SCAMP1: variants seen among roughly 807,000 people sequenced by gnomAD.
SCAMP1 encodes secretory carrier membrane protein 1.
SCAMP1 carries 15 observed loss-of-function variants against 41.8 expected under a neutral mutation model. That is an observed-to-expected ratio of 0.36 (90% CI 0.24 to 0.55). SCAMP1 has a LOEUF of 0.55. Ranked by LOEUF, SCAMP1 falls within the 20% of genes least tolerant of loss-of-function variation. The pLI, the probability that SCAMP1 is intolerant of heterozygous loss-of-function variation, is 0.86. For synonymous variants in SCAMP1, 135 were observed against 136.8 expected, an observed-to-expected ratio of 0.99 and a Z score of 0.09; for missense variants, 341 against 412.6, an observed-to-expected ratio of 0.83 and a Z score of 1.50.
Position 78,428,503 on chromosome 5 carries a change from T to C in SCAMP1, c.632+6543T>C, listed in dbSNP as rs377082529. On this transcript the variant is annotated intron_variant, in intron 6 of 8. Transcript: ENST00000621999. ...CTATGTGCCTATCTTTATACCAATA[T>C]GCCTTTCTTGACTAATGTTAATGTT... 1.4e-4 allele frequency among the ~76,000 whole-genome samples: 21 copies of C among 152,304 alleles called. No homozygotes were observed. In the East Asian group the frequency reaches 3.3e-3, roughly 24 times the overall value.
chr5:78,475,719 TTACTG>T lies in SCAMP1; in HGVS notation c.*54_*58del. ...CTTTTGACTGTACCTTTTTCTCCAG[TTACTG>T]TATTCTACAAATATTTTTATGTTCA... On this transcript the variant is annotated 3_prime_UTR_variant, in exon 9 of 9. Transcript: ENST00000621999. The T allele has an allele frequency of 7.4e-7, 1 of 1,342,788 alleles. No individual in the cohort carries two copies. Among genetic ancestry groups the T allele is most frequent in the South Asian group, 1.6e-5 (1 of 61,476 alleles). The allele number at this position is 1,342,788 out of a possible 1,614,324, so 83.2% of individuals were successfully genotyped here.
intron 2 of SCAMP1, among the ~76,000 whole-genome samples, chr5:78,408,848 C>T (rs115971156): frequency 0.02 from 3,025 of 152,256 alleles, 112 homozygotes; most frequent in African/African-American, 0.068. Flanking sequence ...GATCCTTCCA[C>T]CTCAGCCTCC....
Position 78,436,680 on chromosome 5 carries a change from T to G in SCAMP1, c.633-13253T>G, listed in dbSNP as rs544625696. Among the ~76,000 whole-genome samples, 37 of 152,292 alleles carry G rather than the reference T, an allele frequency of 2.4e-4. No individual in the cohort carries two copies. In the South Asian group the frequency reaches 5.4e-3, roughly 22 times the overall value. ...GTGATGCCTCCAGCTTTGTTCTTTT[T>G]GCTTAGGATTGTCTTGGCAATGCAG... On this transcript the variant is annotated intron_variant, in intron 6 of 8. Coordinates refer to ENST00000621999, the MANE Select transcript of SCAMP1 (RefSeq NM_004866.6).
chr5:78,451,867 C>T (rs1428850662), intron 7 of SCAMP1, among the ~76,000 whole-genome samples: 2 of 152,184 alleles, frequency 1.3e-5, no homozygotes, highest in Non-Finnish European at 2.9e-5. Flanking sequence ...GTTGCCCAGG[C>T]AGGTCTTGAA....
At chr5:78,444,867 TA>T (rs1264439522) in intron 6 of SCAMP1, among the ~76,000 whole-genome samples, 5 of 152,232 alleles carry the variant, frequency 3.3e-5, no homozygotes, top group Admixed American at 2.6e-4. Flanking sequence ...TTTATTTATA[TA>T]AAAGCATGTT....
chr5:78,418,753 T>G, intron 4 of SCAMP1, 22 bp from the exon 5 acceptor site: 1 of 1,422,968 alleles, frequency 7.0e-7, no homozygotes, highest in Non-Finnish European at 9.5e-7. Context: ...TAACCTTTTC[T>G]TTTTCTAAAA....
At chr5:78,364,445 A>T (rs772052141) in intron 1 of SCAMP1, among the ~76,000 whole-genome samples, 1 of 152,156 alleles carries the variant, frequency 6.6e-6, no homozygotes, top group Non-Finnish European at 1.5e-5. Context: ...TGGGGGGGCA[A>T]ATTCTTAAAA....
intron 5 of SCAMP1, among the ~76,000 whole-genome samples, chr5:78,419,704 G>A (rs1752293506): frequency 6.6e-6 from 1 of 152,152 alleles, no homozygotes; most frequent in African/African-American, 2.4e-5. Flanking sequence ...TCTTGATGGA[G>A]GAAATTTACT....
At chr5:78,368,280 A>T (rs186160373) in intron 1 of SCAMP1, among the ~76,000 whole-genome samples, 1 of 152,230 alleles carries the variant, frequency 6.6e-6, no homozygotes, top group African/African-American at 2.4e-5. Flanking sequence ...GGCTGCTGCC[A>T]TAGGAGGCTG....
intron 1 of SCAMP1, among the ~76,000 whole-genome samples, chr5:78,378,561 T>C (rs940489343): frequency 6.6e-6 from 1 of 152,216 alleles, no homozygotes; most frequent in Non-Finnish European, 1.5e-5. Flanking sequence ...AAACTTTTAT[T>C]CTCTTGTTTG....
At chr5:78,362,601 CAG>C (rs1750684642) in intron 1 of SCAMP1, among the ~76,000 whole-genome samples, 1 of 152,186 alleles carries the variant, frequency 6.6e-6, no homozygotes, top group Non-Finnish European at 1.5e-5. Context: ...GCATCAGGGA[CAG>C]ATCATTTAGG....
intron 1 of SCAMP1, among the ~76,000 whole-genome samples, chr5:78,379,212 T>C (rs971952356): frequency 1.1e-4 from 17 of 152,126 alleles, no homozygotes; most frequent in East Asian, 3.8e-4. Context: ...CTCTGAAAAA[T>C]AGAATGATAC....
At chr5:78,436,297 C>G (rs1039102250) in intron 6 of SCAMP1, among the ~76,000 whole-genome samples, 3 of 152,122 alleles carry the variant, frequency 2.0e-5, no homozygotes. Flanking sequence ...AAATCCTTGC[C>G]CATGCCTATG....
chr5:78,385,918 G>C (rs1580653797), intron 1 of SCAMP1, among the ~76,000 whole-genome samples: 1 of 152,070 alleles, frequency 6.6e-6, no homozygotes, highest in African/African-American at 2.4e-5. Context: ...ATGTATGCTT[G>C]TATGTTCTGC....
At chr5:78,382,723 G>T (rs1751235713) in intron 1 of SCAMP1, among the ~76,000 whole-genome samples, 1 of 151,352 alleles carries the variant, frequency 6.6e-6, no homozygotes, top group Admixed American at 6.6e-5. Context: ...TTCCATCCAG[G>T]TTGCTGCAAA....
At chr5:78,473,285 T>C (rs1753929409) in intron 8 of SCAMP1, among the ~76,000 whole-genome samples, 1 of 152,110 alleles carries the variant, frequency 6.6e-6, no homozygotes, top group African/African-American at 2.4e-5. Flanking sequence ...GTTATTTTTG[T>C]CTTGTACCGT....
At chr5:78,373,581 C>T (rs1049350060) in intron 1 of SCAMP1, among the ~76,000 whole-genome samples, 1 of 152,110 alleles carries the variant, frequency 6.6e-6, no homozygotes, top group African/African-American at 2.4e-5. Flanking sequence ...GTTCTTTGCC[C>T]TACTGATTGC....
In SCAMP1 at chr5:78,378,661, A is replaced by G. The variant is rs116391146; in HGVS notation, c.58-10176A>G. 8.8e-3 allele frequency among the ~76,000 whole-genome samples: 1,347 copies of G among 152,366 alleles called. 16 individuals carry two copies. Among genetic ancestry groups the G allele is most frequent in the African/African-American group, 0.031 (1,269 of 41,580 alleles). ...TAACACTGTAAAGTTAAGTGGCATT[A>G]CTAGAGTATTGACAGAGTAGCCTTG... On this transcript the variant is annotated intron_variant, in intron 1 of 8. Transcript: ENST00000621999.
chr5:78,438,514 T>C lies in SCAMP1; in HGVS notation c.633-11419T>C, dbSNP rs185303444. Among the ~76,000 whole-genome samples, 939 of 152,330 alleles carry C rather than the reference T, an allele frequency of 6.2e-3. 2 individuals are homozygous for C. The highest frequency in any genetic ancestry group is 0.011 in the Non-Finnish European group (716 of 68,030). ...AGCAGGTTGTTCAGTTTCCATGTAG[T>C]TGAGCGGTTTTGAGTGAGATTCTTA... On this transcript the variant is annotated intron_variant, in intron 6 of 8. Coordinates refer to ENST00000621999, the MANE Select transcript of SCAMP1 (RefSeq NM_004866.6).
Sources: allele counts gnomAD v4.1 joint callset (sites outside exome capture counted in the v4.1 genomes callset), GRCh38; gene constraint gnomAD v4.1.1; transcripts MANE v1.5; gene names NCBI Gene and HGNC (gene_info 2026-07-23, HGNC 2026-07-21).